EDARADD: variants seen among roughly 807,000 people sequenced by gnomAD.
EDARADD encodes EDAR associated via death domain.
In EDARADD, 20 loss-of-function variants were observed where a neutral mutation model predicts 25.6. The ratio of observed to expected loss-of-function variants is 0.78; its 90% CI spans 0.55 to 1.14. EDARADD has a LOEUF of 1.14. EDARADD is among the 50% of genes most tolerant of loss of function. EDARADD has a pLI of 0.00. For synonymous variants in EDARADD, 86 were observed against 94.4 expected, an observed-to-expected ratio of 0.91 and a Z score of 0.52; for missense variants, 225 against 270.1, an observed-to-expected ratio of 0.83 and a Z score of 1.17.
intron 4 of EDARADD, among the ~76,000 whole-genome samples, chr1:236,431,179 A>T (rs1216676221): frequency 3.3e-5 from 5 of 152,238 alleles, no homozygotes; most frequent in Non-Finnish European, 5.9e-5. Context: ...AATAATTATT[A>T]TCTGCCTTTT....
At position 236,451,782 on chromosome 1, in the gene EDARADD, T is replaced by C. The variant is rs532009908; in HGVS notation, c.220-16449T>C. Among the ~76,000 whole-genome samples, 9 of 152,248 alleles carry C rather than the reference T, an allele frequency of 5.9e-5. No homozygotes were observed. In the South Asian group the frequency reaches 1.9e-3, roughly 32 times the overall value. ...ATCTGAAATTTGGAGGCCTTAAAGTTAGGCGGTTGGACCTGGCTCTCTCCC... is the reference window on the plus strand; with the variant it reads ...ATCTGAAATTTGGAGGCCTTAAAGTCAGGCGGTTGGACCTGGCTCTCTCCC... On this transcript the variant is annotated intron_variant, in intron 4 of 5. Transcript: ENST00000334232.
chr1:236,456,913 C>T (rs1332128208), intron 4 of EDARADD, among the ~76,000 whole-genome samples: 1 of 151,988 alleles, frequency 6.6e-6, no homozygotes, highest in Non-Finnish European at 1.5e-5. Flanking sequence ...TTCAATGGGA[C>T]CTGCCTTGCC....
intron 3 of EDARADD, among the ~76,000 whole-genome samples, chr1:236,355,210 A>T (rs1313862920): frequency 1.3e-5 from 2 of 152,200 alleles, no homozygotes; most frequent in East Asian, 1.9e-4. Flanking sequence ...AGTGAAGTAG[A>T]TGGCCCATAT....
At chr1:236,476,114 C>A (rs954563327) in intron 5 of EDARADD, among the ~76,000 whole-genome samples, 13 of 152,050 alleles carry the variant, frequency 8.5e-5, no homozygotes. Context: ...ATCGCTGGAA[C>A]CTGGTAGGCA....
intron 3 of EDARADD, among the ~76,000 whole-genome samples, chr1:236,371,949 T>TTTTA (rs1284590502): frequency 4.0e-5 from 6 of 151,772 alleles, no homozygotes; most frequent in Non-Finnish European, 5.9e-5. Context: ...TTTTTTTAAT[T>TTTTA]TTTATTTATT....
chr1:236,351,749 CAGGGAG>C (rs1666917735), intron 3 of EDARADD, among the ~76,000 whole-genome samples: 1 of 149,214 alleles, frequency 6.7e-6, no homozygotes, highest in African/African-American at 2.5e-5. Flanking sequence ...ATAGTGAAAA[CAGGGAG>C]ATTTATTGCA....
At chr1:236,403,392 A>G (rs1667650512) in intron 1 of EDARADD, among the ~76,000 whole-genome samples, 1 of 151,982 alleles carries the variant, frequency 6.6e-6, no homozygotes, top group Non-Finnish European at 1.5e-5. Flanking sequence ...GGCTCACACC[A>G]TTCTCCTGCC....
chr1:236,414,934 T>C (rs1177761705), intron 3 of EDARADD, among the ~76,000 whole-genome samples: 1 of 152,138 alleles, frequency 6.6e-6, no homozygotes, highest in African/African-American at 2.4e-5. Flanking sequence ...CATCCAAGCA[T>C]CTAAGTGAGG....
intron 3 of EDARADD, among the ~76,000 whole-genome samples, chr1:236,355,535 G>A (rs1242093925): frequency 1.0e-5 from 1 of 100,258 alleles, no homozygotes; most frequent in Non-Finnish European, 1.8e-5. Flanking sequence ...TTGAGACAGA[G>A]TTTCGCTCTT....
chr1:236,370,676 G>A (rs1472381263), intron 3 of EDARADD, among the ~76,000 whole-genome samples: 2 of 152,190 alleles, frequency 1.3e-5, no homozygotes, highest in Non-Finnish European at 2.9e-5. Context: ...AAGATCAGAT[G>A]AGCCAGTTTA....
intron 3 of EDARADD, among the ~76,000 whole-genome samples, chr1:236,372,914 ATTTTTTTT>A: frequency 2.6e-5 from 3 of 113,602 alleles, no homozygotes; most frequent in Non-Finnish European, 5.1e-5. Context: ...CTCTTCTTAC[ATTTTTTTT>A]TTTTTTTTTT....
intron 3 of EDARADD, among the ~76,000 whole-genome samples, chr1:236,377,495 A>G (rs1352971751): frequency 6.6e-6 from 1 of 150,814 alleles, no homozygotes; most frequent in Non-Finnish European, 1.5e-5. Context: ...TTAAATTCCC[A>G]TTCTGATAAT....
chr1:236,352,062 A>C (rs1666920846), intron 3 of EDARADD, among the ~76,000 whole-genome samples: 1 of 152,158 alleles, frequency 6.6e-6, no homozygotes, highest in Non-Finnish European at 1.5e-5. Flanking sequence ...TGTTGGGTCC[A>C]GTCAGTCTTA....
At chr1:236,467,770 T>A (rs1366585531) in intron 4 of EDARADD, among the ~76,000 whole-genome samples, 1 of 152,080 alleles carries the variant, frequency 6.6e-6, no homozygotes, top group Admixed American at 6.5e-5. Context: ...TACCCTTTTT[T>A]TTTTTTCTTT....
intron 1 of EDARADD, among the ~76,000 whole-genome samples, chr1:236,405,749 C>CTTTCTT (rs1196329652): frequency 2.0e-5 from 1 of 50,218 alleles, no homozygotes; most frequent in Non-Finnish European, 4.5e-5. Context: ...TTCTTTCTTT[C>CTTTCTT]TTTCTTTCTT....
At chr1:236,391,204 G>A (rs917292841), upstream of EDARADD, among the ~76,000 whole-genome samples, 2 of 152,070 alleles carry the variant, frequency 1.3e-5, no homozygotes, top group African/African-American at 4.8e-5. Context: ...TGCCCTGAAA[G>A]GCTGTAATTG....
intron 3 of EDARADD, among the ~76,000 whole-genome samples, chr1:236,367,253 G>A (rs1726637): frequency 0.34 from 51,886 of 150,936 alleles, 9,172 homozygotes; most frequent in African/African-American, 0.42. Flanking sequence ...TATTTTAGAC[G>A]GAGTCTCGCT....
At chr1:236,454,238 C>T (rs556899838) in intron 4 of EDARADD, among the ~76,000 whole-genome samples, 1 of 152,188 alleles carries the variant, frequency 6.6e-6, no homozygotes, top group Admixed American at 6.5e-5. Context: ...TTAGTAGAGA[C>T]AGGGTTTCAC....
At chr1:236,369,833 G>T (rs1323040266) in intron 3 of EDARADD, among the ~76,000 whole-genome samples, 1 of 149,266 alleles carries the variant, frequency 6.7e-6, no homozygotes, top group African/African-American at 2.5e-5. Flanking sequence ...GCGAAACTCT[G>T]TCTCAATAAA....
Sources: gnomAD v4.1 joint callset for allele counts (sites outside exome capture counted in the v4.1 genomes callset) on GRCh38, gnomAD v4.1.1 for gene constraint, MANE v1.5 for transcripts, NCBI Gene and HGNC (gene_info 2026-07-23, HGNC 2026-07-21) for gene names.